SDK1: variants seen among roughly 807,000 people sequenced by gnomAD.
The protein encoded by SDK1 is sidekick cell adhesion molecule 1.
SDK1 carries 157 observed loss-of-function variants against 245.5 expected under a neutral mutation model. The observed-to-expected ratio is 0.64, with a 90% CI of 0.56 to 0.73. The LOEUF is 0.73. Ranked by LOEUF, SDK1 falls within the 30% of genes least tolerant of loss-of-function variation. SDK1 has a pLI of 0.00. For missense variants in SDK1, 3,583 were observed against 3,002.3 expected (o/e 1.19, Z -4.52); for synonymous variants, 1,647 against 1,278.5 (o/e 1.29, Z -6.15).
At chr7:3,600,290 A>G (rs1168810129) in intron 1 of SDK1, among the ~76,000 whole-genome samples, 1 of 152,230 alleles carries the variant, frequency 6.6e-6, no homozygotes, top group East Asian at 1.9e-4. Flanking sequence ...TGTTAAACAC[A>G]TTAGTTCTAG....
chr7:3,450,650 G>A (rs1469197455), intron 1 of SDK1, among the ~76,000 whole-genome samples: 2 of 152,156 alleles, frequency 1.3e-5, no homozygotes, highest in Non-Finnish European at 2.9e-5. Context: ...AGGCTTTTAG[G>A]GTTTTGTGGG....
At chr7:3,857,753 G>C (rs1299655348) in intron 5 of SDK1, among the ~76,000 whole-genome samples, 1 of 151,938 alleles carries the variant, frequency 6.6e-6, no homozygotes, top group African/African-American at 2.4e-5. Flanking sequence ...GAGTTCTGAA[G>C]GGTGGCTAGA....
chr7:4,208,728 G>A (rs575605127), intron 37 of SDK1, among the ~76,000 whole-genome samples: 1 of 152,306 alleles, frequency 6.6e-6, no homozygotes, highest in South Asian at 2.1e-4. Flanking sequence ...AATTCCCCTG[G>A]GTCTCAGGGC....
intron 1 of SDK1, among the ~76,000 whole-genome samples, chr7:3,421,287 G>C (rs1023745802): frequency 7.2e-5 from 11 of 152,038 alleles, no homozygotes; most frequent in African/African-American, 2.7e-4. Flanking sequence ...GGCCAAGCTG[G>C]TCTTGAATTC....
intron 1 of SDK1, among the ~76,000 whole-genome samples, chr7:3,554,083 C>G (rs13307476): frequency 5.9e-5 from 9 of 152,268 alleles, no homozygotes; most frequent in African/African-American, 1.9e-4. Flanking sequence ...TGTAGAAGGT[C>G]TGAACAACAC....
At chr7:4,246,325 C>G (rs995453063) in intron 44 of SDK1, among the ~76,000 whole-genome samples, 3 of 152,096 alleles carry the variant, frequency 2.0e-5, no homozygotes, top group Non-Finnish European at 4.4e-5. Context: ...GTAACTGGGC[C>G]TAGACCACCT....
intron 4 of SDK1, among the ~76,000 whole-genome samples, chr7:3,783,232 G>A (rs1471932178): frequency 5.3e-5 from 8 of 152,204 alleles, no homozygotes; most frequent in Admixed American, 6.5e-5. Context: ...AACAAAGGCC[G>A]TGTGAGAGAA....
At chr7:3,795,768 G>T (rs1245349037) in intron 4 of SDK1, among the ~76,000 whole-genome samples, 1 of 152,156 alleles carries the variant, frequency 6.6e-6, no homozygotes, top group Non-Finnish European at 1.5e-5. Flanking sequence ...ATATTATACA[G>T]TTATACGATA....
intron 4 of SDK1, chr7:3,643,774 C>G (rs543463649): frequency 1.3e-5 from 2 of 151,432 alleles, no homozygotes; most frequent in African/African-American, 4.9e-5. Context: ...CTCCCACCCC[C>G]ACCTGAGCAT....
chr7:4,021,026 G>A (rs1474960727), intron 17 of SDK1, among the ~76,000 whole-genome samples: 1 of 152,204 alleles, frequency 6.6e-6, no homozygotes, highest in African/African-American at 2.4e-5. Flanking sequence ...TACACTGGAA[G>A]AGATCTGGGG....
intron 1 of SDK1, among the ~76,000 whole-genome samples, chr7:3,563,485 T>C (rs1228071118): frequency 6.6e-6 from 1 of 152,156 alleles, no homozygotes; most frequent in Non-Finnish European, 1.5e-5. Context: ...GAATGCTATA[T>C]ATTGATAAAG....
chr7:4,249,648 C>T (rs1787161302), intron 44 of SDK1, among the ~76,000 whole-genome samples: 1 of 152,158 alleles, frequency 6.6e-6, no homozygotes, highest in South Asian at 2.1e-4. Context: ...TCCTGTGCTC[C>T]CCAGGTTTTT....
intron 5 of SDK1, among the ~76,000 whole-genome samples, chr7:3,934,812 C>T (rs1053973771): frequency 6.6e-6 from 1 of 152,174 alleles, no homozygotes; most frequent in Non-Finnish European, 1.5e-5. Flanking sequence ...GCGGTGACCC[C>T]AGAAAGTGTG....
intron 7 of SDK1, among the ~76,000 whole-genome samples, chr7:3,952,972 G>C (rs1033435845): frequency 6.6e-6 from 1 of 152,132 alleles, no homozygotes; most frequent in African/African-American, 2.4e-5. Context: ...TGATGACTAT[G>C]AGAGCAGCCT....
At chr7:4,092,072 G>T (rs1167347157) in intron 22 of SDK1, among the ~76,000 whole-genome samples, 2 of 152,178 alleles carry the variant, frequency 1.3e-5, no homozygotes, top group African/African-American at 4.8e-5. Context: ...CGGAATCCCA[G>T]CTCCATCACT....
chr7:4,252,580 G>A lies in SDK1; in HGVS notation c.6381+6775G>A, dbSNP rs190905149. On this transcript the variant is annotated intron_variant, in intron 44 of 44. Transcript: ENST00000404826. ...GTTTTCAATATTGCTGAGCATTTTT[G>A]TATCTATACTTATAAGGGATATAGG... 1.2e-4 allele frequency among the ~76,000 whole-genome samples: 18 copies of A among 152,132 alleles called. No individual in the cohort carries two copies. In the East Asian group the frequency reaches 2.7e-3, roughly 23 times the overall value.
chr7:3,483,024 CTT>C, intron 1 of SDK1, among the ~76,000 whole-genome samples: 1 of 152,194 alleles, frequency 6.6e-6, no homozygotes, highest in African/African-American at 2.4e-5. Flanking sequence ...TTAATTAACA[CTT>C]GTCATATTGT....
chr7:3,639,580 TATTA>T (rs1196721757), intron 3 of SDK1, among the ~76,000 whole-genome samples: 1 of 152,166 alleles, frequency 6.6e-6, no homozygotes, highest in African/African-American at 2.4e-5. Context: ...GATAGTGATT[TATTA>T]ATTCTTTATT....
At chr7:3,356,604 T>G (rs1780802333) in intron 1 of SDK1, among the ~76,000 whole-genome samples, 1 of 152,188 alleles carries the variant, frequency 6.6e-6, no homozygotes, top group Admixed American at 6.5e-5. Flanking sequence ...ACCAAGAAAG[T>G]AGGTATAGAA....
Sources: gnomAD v4.1 joint callset for allele counts (sites outside exome capture counted in the v4.1 genomes callset) on GRCh38, gnomAD v4.1.1 for gene constraint, MANE v1.5 for transcripts, NCBI Gene and HGNC (gene_info 2026-07-23, HGNC 2026-07-21) for gene names.